The following TTLL9 variants were observed in gnomAD, a reference collection of about 807,000 sequenced individuals.
The protein encoded by TTLL9 is probable tubulin polyglutamylase TTLL9.
Under a neutral mutation model 65.6 loss-of-function variants are expected in TTLL9, and 47 were observed. The observed-to-expected ratio is 0.72, with a 90% CI of 0.57 to 0.91. The LOEUF is 0.91. TTLL9 is among the 40% of genes least tolerant of loss of function. The probability of loss-of-function intolerance (pLI) is 0.00; values close to 1 mark genes in which losing one functional copy is unlikely to be tolerated. For synonymous variants in TTLL9, 179 were observed against 204.8 expected (o/e 0.87, Z 1.07); for missense variants, 537 against 568.8 (o/e 0.94, Z 0.57).
chr20:31,879,757 G>A, intron 2 of TTLL9: 1 of 1,496,470 alleles, frequency 6.7e-7, no homozygotes, highest in Non-Finnish European at 9.0e-7. Context: ...TCCGCCGAGA[G>A]CATGCCCTTG....
intron 3 of TTLL9, among the ~76,000 whole-genome samples, chr20:31,888,541 G>T (rs182509088): frequency 6.6e-6 from 1 of 151,446 alleles, no homozygotes; most frequent in East Asian, 2.0e-4. Flanking sequence ...GCCTGATCTC[G>T]GCTCACTGCA....
chr20:31,933,938 GC>G, intron 11 of TTLL9, 80 bp downstream of exon 11: 2 of 1,431,430 alleles, frequency 1.4e-6, no homozygotes, highest in Non-Finnish European at 1.9e-6. Context: ...GTGGCAAGGA[GC>G]CCAGGACAGG....
chr20:31,943,080 T>C lies in TTLL9; in HGVS notation c.*59T>C. 6.8e-7 allele frequency: 1 copy of C among 1,474,312 alleles called. No individual in the cohort carries two copies. The highest frequency in any genetic ancestry group is 1.4e-5 in the African/African-American group (1 of 72,154). The allele number at this position is 1,474,312 out of a possible 1,614,324, so 91.3% of individuals were successfully genotyped here. On this transcript the variant is annotated 3_prime_UTR_variant, in exon 15 of 15. Transcript: ENST00000535842. ...GGTGCCACCCAGGCCTCCCCCCCAC[T>C]CCCAGATCCCAGCACAGCACCTCAC...
At chr20:31,882,979 G>A (rs1399750116) in intron 2 of TTLL9, among the ~76,000 whole-genome samples, 2 of 152,146 alleles carry the variant, frequency 1.3e-5, no homozygotes, top group Non-Finnish European at 2.9e-5. Flanking sequence ...ATTTCCCTTG[G>A]GGAAGACATT....
chr20:31,895,482 A>G (rs2063370137), intron 3 of TTLL9, among the ~76,000 whole-genome samples: 1 of 152,140 alleles, frequency 6.6e-6, no homozygotes, highest in Admixed American at 6.5e-5. Context: ...TTATCTGGCA[A>G]ATCATGCATG....
At position 31,934,539 on chromosome 20, in the gene TTLL9, G is replaced by A. The variant is rs894561451; in HGVS notation, c.808-153G>A. On this transcript the variant is annotated intron_variant, in intron 11 of 14. Transcript: ENST00000535842. ...AAGAATTTTTGCCCCTCAAAGAGGG[G>A]CACACCTGGGGTCATCCTAATTACA... 4.1e-6 allele frequency: 3 copies of A among 724,254 alleles called. 1 individual carries two copies. The South Asian group carries it at 5.2e-5, about 13-fold the overall frequency. 44.9% of individuals were successfully genotyped at this position (724,254 alleles called of 1,614,324 possible). A position where few individuals can be genotyped will look rare whatever the true frequency, so the allele number is the denominator to read the frequency against.
chr20:31,891,167 AGAG>A (rs1326980911), intron 3 of TTLL9, among the ~76,000 whole-genome samples: 1 of 152,182 alleles, frequency 6.6e-6, no homozygotes, highest in Non-Finnish European at 1.5e-5. Context: ...TTCTACCAGC[AGAG>A]GAGGAGTTTC....
intron 6 of TTLL9, 123 bp downstream of exon 6, chr20:31,910,045 G>A (rs975690610): frequency 2.2e-6 from 2 of 925,444 alleles, no homozygotes; most frequent in African/African-American, 3.3e-5. Context: ...CGAAGGGCCA[G>A]CTTTAGCTCC....
intron 3 of TTLL9, among the ~76,000 whole-genome samples, chr20:31,890,203 C>T (rs868499006): frequency 3.1e-5 from 2 of 63,954 alleles, no homozygotes; most frequent in African/African-American, 1.3e-4. Flanking sequence ...CTTTCTTTCT[C>T]TTTCTTTCAT....
Position 31,911,553 on chromosome 20 carries a change from C to G in TTLL9, c.504+1631C>G, listed in dbSNP as rs551864886. Among the ~76,000 whole-genome samples, 5 of 152,298 alleles carry G rather than the reference C, an allele frequency of 3.3e-5. No homozygotes were observed. In the South Asian group the frequency reaches 1.0e-3, roughly 32 times the overall value. ...CAGGCCTCCCAGGTTCTTCCCCTGGCCCATCCTGCATCTCTGGTGTCCAGG... is the reference window on the plus strand; with the variant it reads ...CAGGCCTCCCAGGTTCTTCCCCTGGGCCATCCTGCATCTCTGGTGTCCAGG... On this transcript the variant is annotated intron_variant, in intron 6 of 14. Transcript: ENST00000535842.
intron 7 of TTLL9, 49 bp downstream of exon 7, chr20:31,919,981 C>A: frequency 6.8e-7 from 1 of 1,461,628 alleles, no homozygotes; most frequent in Non-Finnish European, 9.1e-7. Flanking sequence ...TCTGACCTTG[C>A]CAGCAGGAGG....
At chr20:31,921,560 C>G (rs1043244427) in intron 7 of TTLL9, among the ~76,000 whole-genome samples, 3 of 152,164 alleles carry the variant, frequency 2.0e-5, no homozygotes, top group Non-Finnish European at 4.4e-5. Context: ...ATAGCAAAGA[C>G]TTGGAACCAA....
At chr20:31,913,214 A>G (rs910883813) in intron 6 of TTLL9, among the ~76,000 whole-genome samples, 5 of 152,198 alleles carry the variant, frequency 3.3e-5, no homozygotes, top group Non-Finnish European at 7.3e-5. Context: ...CTTCAGAGAA[A>G]CATCTAGCAT....
At chr20:31,921,089 C>T (rs2063809771) in intron 7 of TTLL9, among the ~76,000 whole-genome samples, 1 of 152,208 alleles carries the variant, frequency 6.6e-6, no homozygotes, top group South Asian at 2.1e-4. Context: ...GATATCTGTG[C>T]TCTCCAATGC....
At chr20:31,888,639 T>C (rs1434360994) in intron 3 of TTLL9, among the ~76,000 whole-genome samples, 2 of 152,080 alleles carry the variant, frequency 1.3e-5, no homozygotes, top group Non-Finnish European at 2.9e-5. Flanking sequence ...GCCTGGCTAA[T>C]TGAGACTGAG....
At chr20:31,902,212 C>A (rs1230658934) in intron 4 of TTLL9, among the ~76,000 whole-genome samples, 1 of 152,140 alleles carries the variant, frequency 6.6e-6, no homozygotes, top group Non-Finnish European at 1.5e-5. Context: ...CAGTCATTCC[C>A]ATTTCTCCCT....
At position 31,933,649 on chromosome 20, in the gene TTLL9, T is replaced by A. The variant is rs546194372; in HGVS notation, c.749-151T>A. ...AGGAAAGATGCAGGCAGGATTTGAA[T>A]CCAGGCCCATCTGACTCCAAAGCTC... On this transcript the variant is annotated intron_variant, in intron 10 of 14. Transcript: ENST00000535842. 1.2e-5 allele frequency: 8 copies of A among 652,704 alleles called. No individual in the cohort carries two copies. In the African/African-American group the frequency reaches 1.5e-4, roughly 12 times the overall value. 40.4% of individuals were successfully genotyped at this position (652,704 alleles called of 1,614,324 possible).
intron 2 of TTLL9, among the ~76,000 whole-genome samples, chr20:31,879,328 CA>C (rs1439844863): frequency 6.6e-6 from 1 of 152,058 alleles, no homozygotes; most frequent in Non-Finnish European, 1.5e-5. Flanking sequence ...CTCAAACAAA[CA>C]AACAAAAAAA....
chr20:31,917,003 G>T (rs1383139213), intron 6 of TTLL9, among the ~76,000 whole-genome samples: 1 of 152,182 alleles, frequency 6.6e-6, no homozygotes, highest in Non-Finnish European at 1.5e-5. Flanking sequence ...AGGAAGGAAA[G>T]TGGCCATAGG....
Sources: allele counts gnomAD v4.1 joint callset (sites outside exome capture counted in the v4.1 genomes callset), GRCh38; gene constraint gnomAD v4.1.1; transcripts MANE v1.5; gene names NCBI Gene and HGNC (gene_info 2026-07-23, HGNC 2026-07-21).